CFAP77: variants seen among roughly 807,000 people sequenced by gnomAD.
The protein encoded by CFAP77 is cilia and flagella associated protein 77.
Under a neutral mutation model 31.1 loss-of-function variants are expected in CFAP77, and 25 were observed. That is an observed-to-expected ratio of 0.80 (90% CI 0.59 to 1.12). The LOEUF is 1.12. Ranked by LOEUF, CFAP77 falls within the 50% of genes most tolerant of loss-of-function variation. The probability of loss-of-function intolerance (pLI) is 0.00; values close to 1 mark genes in which losing one functional copy is unlikely to be tolerated. For missense variants in CFAP77, 377 were observed against 397.3 expected (o/e 0.95, Z 0.44); for synonymous variants, 151 against 159.9 (o/e 0.94, Z 0.42).
intron 1 of CFAP77, among the ~76,000 whole-genome samples, chr9:132,493,011 C>A (rs1851675589): frequency 6.6e-6 from 1 of 152,154 alleles, no homozygotes; most frequent in Non-Finnish European, 1.5e-5. Flanking sequence ...TTTGATCATG[C>A]TTTGCTTTAT....
intron 4 of CFAP77, among the ~76,000 whole-genome samples, chr9:132,541,029 C>G (rs942904341): frequency 2.0e-5 from 3 of 152,194 alleles, no homozygotes; most frequent in African/African-American, 7.2e-5. Flanking sequence ...TACAAACCCC[C>G]CAAACGCTGG....
intron 1 of CFAP77, among the ~76,000 whole-genome samples, chr9:132,483,976 G>T (rs1414801510): frequency 7.2e-6 from 1 of 139,354 alleles, no homozygotes; most frequent in Non-Finnish European, 1.5e-5. Flanking sequence ...TCACTCTGTT[G>T]CTCAGGCTGG....
intron 1 of CFAP77, among the ~76,000 whole-genome samples, chr9:132,496,311 A>G (rs1851742879): frequency 6.6e-6 from 1 of 152,254 alleles, no homozygotes; most frequent in African/African-American, 2.4e-5. Context: ...TGAATGACTT[A>G]AGTACACTAC....
chr9:132,524,444 AAAATACAT>A (rs1852320185), intron 3 of CFAP77, among the ~76,000 whole-genome samples: 1 of 151,596 alleles, frequency 6.6e-6, no homozygotes, highest in Non-Finnish European at 1.5e-5. Context: ...TACTAAAAAA[AAAATACAT>A]AAATACAAAA....
chr9:132,413,030 T>G (rs1324996793), intron 1 of CFAP77, among the ~76,000 whole-genome samples: 1 of 152,156 alleles, frequency 6.6e-6, no homozygotes, highest in Non-Finnish European at 1.5e-5. Context: ...TATTTTGGTT[T>G]TGTCTAAGTC....
At chr9:132,451,194 C>T (rs1441891776) in intron 1 of CFAP77, among the ~76,000 whole-genome samples, 5 of 152,108 alleles carry the variant, frequency 3.3e-5, no homozygotes, top group East Asian at 1.9e-4. Context: ...AAAAATTAGC[C>T]GGGCATGGTG....
At chr9:132,529,833 AAAAAG>A (rs779281338) in intron 3 of CFAP77, among the ~76,000 whole-genome samples, 1,596 of 149,732 alleles carry the variant, frequency 0.011, 36 homozygotes, top group Admixed American at 0.051. Context: ...TCAAAAAAAA[AAAAAG>A]AAAAGAAAAG....
chr9:132,416,291 CTGTTGATATGCTAT>C (rs968841001), intron 1 of CFAP77, among the ~76,000 whole-genome samples: 91 of 144,006 alleles, frequency 6.3e-4, no homozygotes, highest in African/African-American at 2.2e-3. Flanking sequence ...TATGCTATAA[CTGTTGATATGCTAT>C]AACTGTTGAG....
chr9:132,413,986 A>C (rs962156960), intron 1 of CFAP77, among the ~76,000 whole-genome samples: 1 of 152,110 alleles, frequency 6.6e-6, no homozygotes, highest in African/African-American at 2.4e-5. Context: ...TTTTGAGGAG[A>C]TCAAGGCCCA....
At chr9:132,537,103 C>T (rs576088406) in intron 3 of CFAP77, among the ~76,000 whole-genome samples, 13 of 152,142 alleles carry the variant, frequency 8.5e-5, no homozygotes, top group South Asian at 6.2e-4. Context: ...GGATGTTTAG[C>T]TGAGGAGCCA....
At chr9:132,561,441 C>T (rs1829803914) in intron 5 of CFAP77, among the ~76,000 whole-genome samples, 1 of 151,746 alleles carries the variant, frequency 6.6e-6, no homozygotes, top group Non-Finnish European at 1.5e-5. Context: ...GTTAGGGGAC[C>T]TTCGTGTGGC....
At chr9:132,560,647 T>C (rs1852980270) in intron 5 of CFAP77, among the ~76,000 whole-genome samples, 1 of 152,226 alleles carries the variant, frequency 6.6e-6, no homozygotes, top group African/African-American at 2.4e-5. Flanking sequence ...AGTCAGTCCA[T>C]GGAGCACAGC....
In CFAP77 at chr9:132,490,743, A is replaced by G. The variant is rs1354916654; in HGVS notation, c.196-7952A>G. 1.3e-5 allele frequency among the ~76,000 whole-genome samples: 2 copies of G among 152,156 alleles called. No homozygotes were observed. The highest frequency in any genetic ancestry group is 2.9e-5 in the Non-Finnish European group (2 of 68,028). Reference sequence around the variant, plus strand: ...TTCTTTTCCTGATTACCCTTCCCCCAACGCAGTCAAGACAGCTGTCCTGGG... The same window carrying G: ...TTCTTTTCCTGATTACCCTTCCCCCGACGCAGTCAAGACAGCTGTCCTGGG... On this transcript the variant is annotated intron_variant, in intron 1 of 5. Coordinates refer to ENST00000393216, the MANE Select transcript of CFAP77 (RefSeq NM_001282957.2). The surrounding 1 kb of genome is among the most constrained non-coding windows in gnomAD (Gnocchi z 4.6).
rs1387160353 is a variant in CFAP77, at chr9:132,459,420, G to GGAGTGT, written c.196-39274_196-39273insAGTGTG. Among the ~76,000 whole-genome samples, 23 of 143,978 alleles carry GGAGTGT rather than the reference G, an allele frequency of 1.6e-4. No homozygotes were observed. In the East Asian group the frequency reaches 4.7e-3, roughly 29 times the overall value. 94.5% of individuals were successfully genotyped at this position (143,978 alleles called of 152,430 possible). The stretch of plus-strand genomic sequence containing the variant: ...CACCTAATGTGGCCTGGATGAATAG[G>GGAGTGT]GTGTGTGTGTGTGTGTGTGTGTGTG... On this transcript the variant is annotated intron_variant, in intron 1 of 5. Transcript: ENST00000393216.
At chr9:132,522,646 C>T (rs1022855820) in intron 3 of CFAP77, among the ~76,000 whole-genome samples, 9 of 152,244 alleles carry the variant, frequency 5.9e-5, no homozygotes, top group Non-Finnish European at 1.0e-4. Context: ...ACAGGAAAAA[C>T]AGCTCCTAAA....
chr9:132,566,192 C>T (rs562768466), intron 5 of CFAP77, among the ~76,000 whole-genome samples: 190 of 152,124 alleles, frequency 1.2e-3, no homozygotes, highest in African/African-American at 4.3e-3. Context: ...CGTGCATGTG[C>T]GGCGGAGCCA....
At chr9:132,423,954 A>G (rs982256095) in intron 1 of CFAP77, among the ~76,000 whole-genome samples, 1 of 152,216 alleles carries the variant, frequency 6.6e-6, no homozygotes, top group African/African-American at 2.4e-5. Context: ...GTCTATATCT[A>G]TCTGAAGGGT....
rs528971899 is a variant in CFAP77, at chr9:132,449,866, ATG to A, written c.195+39401_195+39402del. On this transcript the variant is annotated intron_variant, in intron 1 of 5. Transcript: ENST00000393216. ...GGTATTGTCAGTCTTTTTATATTTA[ATG>A]GTTGAATTTCCAGGGATGATTAAGA... is the stretch of plus-strand genomic sequence containing the variant. 6.6e-4 allele frequency among the ~76,000 whole-genome samples: 100 copies of A among 152,094 alleles called. 1 individual carries two copies. Among genetic ancestry groups the A allele is most frequent in the South Asian group, 2.9e-3 (14 of 4,816 alleles).
chr9:132,518,334 G>A (rs117634661), intron 3 of CFAP77, among the ~76,000 whole-genome samples: 2 of 152,294 alleles, frequency 1.3e-5, no homozygotes, highest in East Asian at 1.9e-4. Flanking sequence ...CCACCTGGAC[G>A]AGATGACTGG....
Sources: gnomAD v4.1 joint callset for allele counts (sites outside exome capture counted in the v4.1 genomes callset) on GRCh38, gnomAD v4.1.1 for gene constraint, Gnocchi (gnomAD v3.1) non-coding constraint, MANE v1.5 for transcripts, NCBI Gene and HGNC (gene_info 2026-07-23, HGNC 2026-07-21) for gene names.